Variants in KANTR observed in about 807,000 individuals in gnomAD.
KANTR encodes KANTR integral membrane protein.
At chrX:53,138,388 C>T (rs1454524856) in intron 2 of KANTR, among the ~76,000 whole-genome samples, 3 of 108,032 alleles carry the variant, frequency 2.8e-5, no homozygotes, top group South Asian at 4.2e-4. Context: ...ATAGGCTGGG[C>T]GCTGTGGTTC....
intron 2 of KANTR, among the ~76,000 whole-genome samples, chrX:53,120,679 A>G (rs1046032486): frequency 9.1e-6 from 1 of 110,260 alleles, no homozygotes; most frequent in African/African-American, 3.3e-5. Context: ...TAGTATTATA[A>G]CCATTTGCCT....
intron 2 of KANTR, among the ~76,000 whole-genome samples, chrX:53,121,150 C>A (rs181098567): frequency 1.2e-3 from 130 of 109,217 alleles, no homozygotes; most frequent in African/African-American, 4.2e-3. Context: ...AGGCTCCCAC[C>A]ACCATGCCCA....
chrX:53,103,141 C>T (rs782089184), intron 2 of KANTR, among the ~76,000 whole-genome samples: 30 of 109,612 alleles, frequency 2.7e-4, no homozygotes, highest in Admixed American at 2.0e-3. Flanking sequence ...CCTGCCACCA[C>T]GCTCAGCTAA....
chrX:53,144,431 C>T (rs182090152), downstream of KANTR, among the ~76,000 whole-genome samples: 16 of 111,785 alleles, frequency 1.4e-4, no homozygotes, highest in Admixed American at 1.5e-3. Context: ...CATGGTGGCT[C>T]ACGCTTGTAA....
chrX:53,121,627 GT>G (rs199558787), intron 2 of KANTR, among the ~76,000 whole-genome samples: 1 of 105,516 alleles, frequency 9.5e-6, no homozygotes. Context: ...TTTGTTTTTG[GT>G]TTTTTTTTCC....
chrX:53,118,652 T>G (rs892546944), intron 2 of KANTR, among the ~76,000 whole-genome samples: 1 of 110,242 alleles, frequency 9.1e-6, no homozygotes, highest in Non-Finnish European at 1.9e-5. Flanking sequence ...CCCCAGCTAC[T>G]TGGGAGGCTG....
intron 2 of KANTR, among the ~76,000 whole-genome samples, chrX:53,132,962 A>G (rs782722739): frequency 8.9e-6 from 1 of 111,821 alleles, no homozygotes; most frequent in South Asian, 3.7e-4. Flanking sequence ...CCAAATACAC[A>G]CCTTACAGAA....
chrX:53,143,967 G>C (rs781866809), downstream of KANTR: 1 of 283,376 alleles, frequency 3.5e-6, no homozygotes, highest in Non-Finnish European at 6.5e-6. Context: ...CGGTGTGGGG[G>C]CTGGTGGCAG....
At chrX:53,139,633 T>C (rs1300148464) in intron 2 of KANTR, among the ~76,000 whole-genome samples, 2 of 111,512 alleles carry the variant, frequency 1.8e-5, no homozygotes, top group African/African-American at 3.3e-5. Flanking sequence ...AGCCAGACAA[T>C]ACAACATGAC....
chrX:53,107,302 CTTTTTTTT>C lies in KANTR; in HGVS notation c.-805+7708_-805+7715del, dbSNP rs139264757. On this transcript the variant is annotated intron_variant, in intron 2 of 2. Transcript: ENST00000604062. ...TCCTGGGCTCAAGTGATCCTCTTTGCTTTTTTTTTTTTTTTTTTTTTGTAGAGACAGGG... is the reference window on the plus strand; with the variant it reads ...TCCTGGGCTCAAGTGATCCTCTTTGCTTTTTTTTTTTTTGTAGAGACAGGG... Among the ~76,000 whole-genome samples the C allele has an allele frequency of 3.1e-4, 19 of 61,642 alleles. No individual in the cohort carries two copies. In the East Asian group the frequency reaches 0.011, roughly 35 times the overall value. The allele number at this position is 61,642 out of a possible 115,157, so 53.5% of individuals were successfully genotyped here.
downstream of KANTR, among the ~76,000 whole-genome samples, chrX:53,128,285 A>G (rs1933314920): frequency 9.0e-6 from 1 of 111,575 alleles, no homozygotes; most frequent in Admixed American, 9.5e-5. Context: ...AGACACAGAG[A>G]TGAACGAGGT....
At chrX:53,141,902 G>T in exon 3 of KANTR, 1 of 508,454 alleles carries the variant, frequency 2.0e-6, no homozygotes, top group Non-Finnish European at 2.6e-6. Flanking sequence ...CGGTGTTCTG[G>T]CAGGAAAACA....
downstream of KANTR, among the ~76,000 whole-genome samples, chrX:53,131,558 C>T (rs937810243): frequency 1.8e-5 from 2 of 112,039 alleles, no homozygotes; most frequent in Admixed American, 9.5e-5. Context: ...TTGACAACAT[C>T]TAACATCCAT....
At chrX:53,142,771 G>A (rs1280279865), downstream of KANTR, 2 of 458,879 alleles carry the variant, frequency 4.4e-6, no homozygotes, top group Non-Finnish European at 8.1e-6. Context: ...GACAATGGAG[G>A]GGCCAGACTC....
chrX:53,146,320 C>T (rs185472348), downstream of KANTR, among the ~76,000 whole-genome samples: 324 of 111,918 alleles, frequency 2.9e-3, 3 homozygotes, highest in Admixed American at 0.028. Context: ...AGCTGAAAAC[C>T]ACAGCACAAG....
intron 2 of KANTR, among the ~76,000 whole-genome samples, chrX:53,104,997 C>T (rs1372096181): frequency 9.0e-6 from 1 of 110,706 alleles, no homozygotes; most frequent in Non-Finnish European, 1.9e-5. Flanking sequence ...TGGTCCTCCC[C>T]CTTCAGCCTC....
At chrX:53,132,293 A>G (rs1785422890), downstream of KANTR, among the ~76,000 whole-genome samples, 1 of 111,904 alleles carries the variant, frequency 8.9e-6, no homozygotes. Context: ...TACAGTGTGT[A>G]GAAACCCTGG....
downstream of KANTR, among the ~76,000 whole-genome samples, chrX:53,127,976 G>A (rs1049060823): frequency 9.0e-6 from 1 of 111,326 alleles, no homozygotes; most frequent in Admixed American, 9.6e-5. Flanking sequence ...GATACCCATA[G>A]GAGGGTAAGT....
At chrX:53,135,387 C>T (rs1556817490) in intron 2 of KANTR, among the ~76,000 whole-genome samples, 1 of 111,671 alleles carries the variant, frequency 9.0e-6, no homozygotes, top group East Asian at 2.8e-4. Context: ...TCCTTTTGTC[C>T]CCCAGTCCTA....
Sources: allele counts gnomAD v4.1 joint callset (sites outside exome capture counted in the v4.1 genomes callset), GRCh38; gene constraint gnomAD v4.1.1; transcripts MANE v1.5; gene names NCBI Gene and HGNC (gene_info 2026-07-23, HGNC 2026-07-21).